Variants in GALNTL6 observed in about 807,000 individuals in gnomAD.
GALNTL6 encodes the protein polypeptide N-acetylgalactosaminyltransferase-like 6.
In GALNTL6, 46 loss-of-function variants were observed where a neutral mutation model predicts 73.7. That is an observed-to-expected ratio of 0.62 (90% CI 0.49 to 0.80). The LOEUF (loss-of-function observed/expected upper bound fraction) is 0.80, where lower values mean the gene tolerates loss of function less well. GALNTL6 is among the 30% of genes least tolerant of loss of function. GALNTL6 has a pLI of 0.00. For synonymous variants in GALNTL6, 259 were observed against 263.7 expected (o/e 0.98, Z 0.17); for missense variants, 604 against 755.0 (o/e 0.80, Z 2.34).
At chr4:171,877,491 A>G (rs576599661) in intron 2 of GALNTL6, among the ~76,000 whole-genome samples, 2 of 152,192 alleles carry the variant, frequency 1.3e-5, no homozygotes, top group Non-Finnish European at 2.9e-5. Flanking sequence ...AAAGTGCCCA[A>G]CTGTGGCAGG....
chr4:172,134,334 G>A (rs1459754441), intron 2 of GALNTL6, among the ~76,000 whole-genome samples: 46 of 151,068 alleles, frequency 3.0e-4, no homozygotes, highest in Non-Finnish European at 1.5e-5. Flanking sequence ...GCAGTGAGCC[G>A]AGATCACTCC....
chr4:172,032,278 A>T (rs1164943988), intron 2 of GALNTL6, among the ~76,000 whole-genome samples: 1 of 152,092 alleles, frequency 6.6e-6, no homozygotes, highest in African/African-American at 2.4e-5. Context: ...TTATAATTTG[A>T]AAGAGATTAA....
chr4:171,880,996 C>CT (rs1040287764), intron 2 of GALNTL6, among the ~76,000 whole-genome samples: 2 of 152,034 alleles, frequency 1.3e-5, no homozygotes, highest in African/African-American at 4.8e-5. Context: ...CAAAGCAGTT[C>CT]TGTGTGTGTA....
At chr4:172,665,993 T>C (rs1731641710) in intron 5 of GALNTL6, among the ~76,000 whole-genome samples, 1 of 152,192 alleles carries the variant, frequency 6.6e-6, no homozygotes, top group Non-Finnish European at 1.5e-5. Context: ...ATTTTTATTT[T>C]GCTGATCTGG....
chr4:173,012,662 G>A (rs1360005273), intron 11 of GALNTL6, among the ~76,000 whole-genome samples: 1 of 152,186 alleles, frequency 6.6e-6, no homozygotes, highest in East Asian at 1.9e-4. Flanking sequence ...GCAGCATCTT[G>A]CACATGCAGC....
chr4:172,284,848 A>G (rs1739192540), intron 3 of GALNTL6, among the ~76,000 whole-genome samples: 1 of 151,860 alleles, frequency 6.6e-6, no homozygotes. Flanking sequence ...TGGTCTATAT[A>G]TCTGTTTTTA....
rs559975292 is a variant in GALNTL6, at chr4:172,176,297, G to A, written c.139-53359G>A. On this transcript the variant is annotated intron_variant, in intron 2 of 12. Coordinates refer to ENST00000506823, the MANE Select transcript of GALNTL6 (RefSeq NM_001034845.3). The stretch of plus-strand genomic sequence containing the variant: ...GGAGCCTGCAGTGAGCCGAGATCGC[G>A]CCACTGCACTCCAACCTGGGCGACA... Among the ~76,000 whole-genome samples the A allele has an allele frequency of 9.7e-5, 11 of 113,960 alleles. No individual in the cohort carries two copies. The Admixed American group carries it at 1.0e-3, about 11-fold the overall frequency. The allele number at this position is 113,960 out of a possible 152,430, so 74.8% of individuals were successfully genotyped here. A position where few individuals can be genotyped will look rare whatever the true frequency, so the allele number is the denominator to read the frequency against.
intron 5 of GALNTL6, among the ~76,000 whole-genome samples, chr4:172,745,902 A>G (rs749059697): frequency 7.2e-5 from 11 of 152,124 alleles, no homozygotes; most frequent in Non-Finnish European, 1.5e-4. Flanking sequence ...AATGTGAGCT[A>G]TGGAGTGTGG....
At chr4:171,878,230 A>G (rs1262725533) in intron 2 of GALNTL6, among the ~76,000 whole-genome samples, 2 of 152,224 alleles carry the variant, frequency 1.3e-5, no homozygotes, top group Non-Finnish European at 2.9e-5. Flanking sequence ...TGAGAGTGAA[A>G]GAAGAAACTA....
chr4:172,919,964 T>G (rs1747716293), intron 8 of GALNTL6, among the ~76,000 whole-genome samples: 1 of 152,162 alleles, frequency 6.6e-6, no homozygotes, highest in Admixed American at 6.6e-5. Flanking sequence ...AATGAACACT[T>G]TCTTAAAAGT....
At chr4:172,685,043 G>A (rs1293762907) in intron 5 of GALNTL6, among the ~76,000 whole-genome samples, 2 of 152,106 alleles carry the variant, frequency 1.3e-5, no homozygotes, top group African/African-American at 4.8e-5. Context: ...CAGCATTTAA[G>A]ATATGGCCTT....
At chr4:172,894,355 A>T (rs1579621348) in intron 8 of GALNTL6, among the ~76,000 whole-genome samples, 1 of 152,256 alleles carries the variant, frequency 6.6e-6, no homozygotes, top group East Asian at 1.9e-4. Context: ...CTTCCCTCTT[A>T]GTACTGCTTT....
chr4:171,854,120 A>G (rs1560814750), intron 2 of GALNTL6, among the ~76,000 whole-genome samples: 1 of 152,142 alleles, frequency 6.6e-6, no homozygotes, highest in Non-Finnish European at 1.5e-5. Context: ...CTGAGGGCAG[A>G]TGTTGGATCT....
chr4:172,680,872 A>G (rs1898554), intron 5 of GALNTL6, among the ~76,000 whole-genome samples: 65,654 of 152,128 alleles, frequency 0.43, 16,401 homozygotes, highest in East Asian at 0.68. Context: ...CAGTTGAGAC[A>G]AGGATTCTTT....
chr4:172,539,015 T>C (rs1206890299), intron 5 of GALNTL6, among the ~76,000 whole-genome samples: 1 of 152,190 alleles, frequency 6.6e-6, no homozygotes, highest in African/African-American at 2.4e-5. Flanking sequence ...CCTCCTTATA[T>C]TCACTGGAAG....
intron 2 of GALNTL6, among the ~76,000 whole-genome samples, chr4:172,193,080 CT>C (rs1316539480): frequency 1.3e-5 from 2 of 152,220 alleles, no homozygotes; most frequent in Non-Finnish European, 2.9e-5. Context: ...CCAAATTAGT[CT>C]TTCTTGCATG....
intron 5 of GALNTL6, among the ~76,000 whole-genome samples, chr4:172,418,826 C>T (rs1268278372): frequency 1.3e-5 from 2 of 152,128 alleles, no homozygotes; most frequent in Admixed American, 1.3e-4. Context: ...ATTTCCGATT[C>T]TCAACAGCAT....
chr4:172,458,307 A>T (rs1029753418), intron 5 of GALNTL6, among the ~76,000 whole-genome samples: 1 of 151,728 alleles, frequency 6.6e-6, no homozygotes, highest in Non-Finnish European at 1.5e-5. Flanking sequence ...CACAATTAAA[A>T]CTACTAGAGA....
intron 7 of GALNTL6, among the ~76,000 whole-genome samples, chr4:172,847,270 T>C (rs952019662): frequency 2.0e-5 from 3 of 152,180 alleles, no homozygotes; most frequent in Non-Finnish European, 4.4e-5. Context: ...TCTTATCAAC[T>C]ATCTTGGCCT....
Sources: gnomAD v4.1 joint callset for allele counts (sites outside exome capture counted in the v4.1 genomes callset) on GRCh38, gnomAD v4.1.1 for gene constraint, MANE v1.5 for transcripts, NCBI Gene and HGNC (gene_info 2026-07-23, HGNC 2026-07-21) for gene names.